The following MDGA2 variants were observed in gnomAD, a reference collection of about 807,000 sequenced individuals.
MDGA2 encodes the protein MAM domain-containing glycosylphosphatidylinositol anchor protein 2.
In MDGA2, 40 loss-of-function variants were observed where a neutral mutation model predicts 117.8. That is an observed-to-expected ratio of 0.34 (90% confidence interval 0.26 to 0.44). MDGA2 has a LOEUF of 0.44. MDGA2 is among the 20% of genes least tolerant of loss of function. The probability of loss-of-function intolerance (pLI) is 1.00; values close to 1 mark genes in which losing one functional copy is unlikely to be tolerated. For synonymous variants in MDGA2, 452 were observed against 439.0 expected, an observed-to-expected ratio of 1.03 and a Z score of -0.37; for missense variants, 1,123 against 1,250.6, an observed-to-expected ratio of 0.90 and a Z score of 1.54.
intron 1 of MDGA2, 76 bp from the exon 2 acceptor site, chr14:47,301,626 A>G (rs1293196306): frequency 6.8e-7 from 1 of 1,466,980 alleles, no homozygotes; most frequent in African/African-American, 1.4e-5. Flanking sequence ...CATCTTGACT[A>G]TAAAAGCAAT....
chr14:47,666,270 T>G (rs185526767), intron 1 of MDGA2, among the ~76,000 whole-genome samples: 44 of 152,274 alleles, frequency 2.9e-4, no homozygotes, highest in Admixed American at 2.7e-3. Context: ...GCTCAAGGTT[T>G]GTAAATGCAC....
chr14:47,328,387 G>C (rs1566740837), intron 1 of MDGA2, among the ~76,000 whole-genome samples: 1 of 152,138 alleles, frequency 6.6e-6, no homozygotes, highest in Non-Finnish European at 1.5e-5. Flanking sequence ...AGTGTTTGGA[G>C]AAGAAAACTA....
chr14:46,934,931 T>C (rs1319493802), intron 9 of MDGA2, among the ~76,000 whole-genome samples: 1 of 152,140 alleles, frequency 6.6e-6, no homozygotes, highest in Non-Finnish European at 1.5e-5. Flanking sequence ...GTTAAGGCTC[T>C]GGGTCAATTT....
chr14:47,252,088 A>G (rs1887466874), intron 2 of MDGA2, among the ~76,000 whole-genome samples: 1 of 152,046 alleles, frequency 6.6e-6, no homozygotes, highest in Admixed American at 6.6e-5. Flanking sequence ...TTCACTTTCA[A>G]TCCAGATTTG....
rs1566725573 is a variant in MDGA2 at position 47,295,977 on chromosome 14, GATA to G, written c.420+5431_420+5433del. The stretch of plus-strand genomic sequence containing the variant: ...AGATAGATAGATAGATAGATAGATA[GATA>G]TAGTAAAGCTGTAGAAGTTAAAATG... On this transcript the variant is annotated intron_variant, in intron 2 of 16. Coordinates refer to ENST00000399232, the MANE Select transcript of MDGA2 (RefSeq NM_001113498.3). Among the ~76,000 whole-genome samples the G allele has an allele frequency of 3.8e-3, 559 of 145,214 alleles. 3 individuals are homozygous for G. The highest frequency in any genetic ancestry group is 0.016 in the South Asian group (72 of 4,518).
intron 2 of MDGA2, among the ~76,000 whole-genome samples, chr14:47,292,388 G>T (rs1888921422): frequency 6.6e-6 from 1 of 152,056 alleles, no homozygotes; most frequent in Non-Finnish European, 1.5e-5. Context: ...TAAGTATGTT[G>T]GTCCCAATTA....
chr14:47,083,234 A>C (rs1298061126), intron 6 of MDGA2, among the ~76,000 whole-genome samples: 1 of 152,084 alleles, frequency 6.6e-6, no homozygotes, highest in African/African-American at 2.4e-5. Context: ...AGCTCATAAC[A>C]ATCCAAGCAC....
intron 3 of MDGA2, among the ~76,000 whole-genome samples, chr14:47,171,918 C>G (rs965716119): frequency 6.6e-6 from 1 of 152,134 alleles, no homozygotes; most frequent in South Asian, 2.1e-4. Flanking sequence ...CAGTAGGCAC[C>G]TGGAATATCG....
Position 46,957,579 on chromosome 14 carries a change from C to G in MDGA2, c.1884G>C (p.Met628Ile), listed in dbSNP as rs1885612567. Residue 628 changes from methionine to isoleucine, a missense_variant, in exon 9 of 17, where the codon ATG (methionine) becomes ATC (isoleucine). Coordinates refer to ENST00000399232, the MANE Select transcript of MDGA2 (RefSeq NM_001113498.3). ...IRQGQDRSVT[M>I]SCRVLRAYPI... ...GATAGGCTCTCAGTACTCTGCAACTCATAGTGACACTTCGATCCTGTCCTT... is the reference window on the plus strand; with the variant it reads ...GATAGGCTCTCAGTACTCTGCAACTGATAGTGACACTTCGATCCTGTCCTT... 37 of 1,614,166 alleles carry G rather than the reference C, an allele frequency of 2.3e-5. No individual in the cohort carries two copies. The highest frequency in any genetic ancestry group is 3.1e-5 in the Non-Finnish European group (37 of 1,180,016).
At chr14:47,630,160 AG>A (rs1897229619) in intron 1 of MDGA2, among the ~76,000 whole-genome samples, 1 of 152,208 alleles carries the variant, frequency 6.6e-6, no homozygotes, top group Non-Finnish European at 1.5e-5. Flanking sequence ...GTTTAAAAAA[AG>A]TCACACAGGC....
intron 1 of MDGA2, among the ~76,000 whole-genome samples, chr14:47,475,047 A>G (rs1163805778): frequency 1.3e-5 from 2 of 152,190 alleles, no homozygotes; most frequent in Admixed American, 1.3e-4. Flanking sequence ...TAAACAGATG[A>G]CCTACAGAAT....
chr14:47,559,556 T>C (rs1895754167), intron 1 of MDGA2, among the ~76,000 whole-genome samples: 1 of 151,744 alleles, frequency 6.6e-6, no homozygotes, highest in African/African-American at 2.4e-5. Context: ...AACATATGAG[T>C]ACAAGTTTTT....
At chr14:46,934,516 G>T (rs1884707875) in intron 9 of MDGA2, among the ~76,000 whole-genome samples, 1 of 152,056 alleles carries the variant, frequency 6.6e-6, no homozygotes, top group African/African-American at 2.4e-5. Flanking sequence ...CATAATTACT[G>T]AACTGACACG....
At chr14:46,962,730 C>G (rs1414905090) in intron 8 of MDGA2, among the ~76,000 whole-genome samples, 3 of 152,008 alleles carry the variant, frequency 2.0e-5, no homozygotes, top group Non-Finnish European at 4.4e-5. Context: ...AAAAATGGAT[C>G]TTAAACTCAG....
chr14:47,173,698 C>A (rs1884292829), intron 3 of MDGA2, among the ~76,000 whole-genome samples: 1 of 152,038 alleles, frequency 6.6e-6, no homozygotes, highest in African/African-American at 2.4e-5. Flanking sequence ...CAAAATCATG[C>A]CAAAATGTAA....
intron 16 of MDGA2, among the ~76,000 whole-genome samples, chr14:46,843,167 G>A (rs958519931): frequency 7.2e-5 from 11 of 151,836 alleles, no homozygotes; most frequent in African/African-American, 2.4e-4. Flanking sequence ...TTATAAAAAT[G>A]TTCTATTGTA....
At chr14:47,384,079 T>C (rs1207949117) in intron 1 of MDGA2, among the ~76,000 whole-genome samples, 2 of 152,038 alleles carry the variant, frequency 1.3e-5, no homozygotes, top group Non-Finnish European at 2.9e-5. Flanking sequence ...TAGTAACTAA[T>C]GAATACCATC....
chr14:46,982,705 C>CA lies in MDGA2; in HGVS notation c.1820-25063dup, dbSNP rs59530070. ...GCCTGGTGACAGAGGGAGACTCCAT[C>CA]AAAAAAAAAAAAAAAAAAAAAAAAA... On this transcript the variant is annotated intron_variant, in intron 8 of 16. Coordinates refer to ENST00000399232, the MANE Select transcript of MDGA2 (RefSeq NM_001113498.3). 5.1e-3 allele frequency among the ~76,000 whole-genome samples: 235 copies of CA among 45,938 alleles called. 11 individuals carry two copies. Among genetic ancestry groups the CA allele is most frequent in the East Asian group, 0.038 (37 of 980 alleles). 30.1% of individuals were successfully genotyped at this position (45,938 alleles called of 152,430 possible).
intron 1 of MDGA2, among the ~76,000 whole-genome samples, chr14:47,415,858 G>A (rs1018965815): frequency 6.6e-6 from 1 of 152,090 alleles, no homozygotes; most frequent in African/African-American, 2.4e-5. Flanking sequence ...GACCTCTCTG[G>A]GGCCTCTTTT....
Sources: gnomAD v4.1 joint callset for allele counts (sites outside exome capture counted in the v4.1 genomes callset) on GRCh38, gnomAD v4.1.1 for gene constraint, MANE v1.5 for transcripts, NCBI Gene and HGNC (gene_info 2026-07-23, HGNC 2026-07-21) for gene names.